Variants in PTPRT observed in about 807,000 individuals in gnomAD.
PTPRT encodes receptor-type tyrosine-protein phosphatase T.
A neutral mutation model predicts 176.8 loss-of-function variants in PTPRT; 56 were observed. The ratio of observed to expected loss-of-function variants is 0.32; its 90% CI spans 0.26 to 0.40. The LOEUF is 0.40. Ranked by LOEUF, PTPRT falls within the 10% of genes least tolerant of loss-of-function variation. PTPRT has a pLI of 1.00. For synonymous variants in PTPRT, 783 were observed against 739.0 expected (o/e 1.06, Z -0.96); for missense variants, 1,540 against 1,908.2 (o/e 0.81, Z 3.60).
At chr20:42,331,529 G>T (rs112109675) in intron 11 of PTPRT, among the ~76,000 whole-genome samples, 2 of 151,986 alleles carry the variant, frequency 1.3e-5, no homozygotes, top group African/African-American at 2.4e-5. Flanking sequence ...TAAATTAATC[G>T]TAATAGCAGG....
chr20:42,415,259 G>C (rs1428847383), intron 9 of PTPRT, among the ~76,000 whole-genome samples: 1 of 152,198 alleles, frequency 6.6e-6, no homozygotes, highest in Admixed American at 6.5e-5. Context: ...ATGGCTCACT[G>C]TAACCTTGAG....
chr20:42,860,146 T>C (rs2078636481), intron 2 of PTPRT, among the ~76,000 whole-genome samples: 1 of 152,186 alleles, frequency 6.6e-6, no homozygotes, highest in Admixed American at 6.5e-5. Context: ...TATCATTTCA[T>C]CTTGACCTGT....
chr20:42,959,114 A>G (rs1981840241), intron 1 of PTPRT, among the ~76,000 whole-genome samples: 1 of 152,164 alleles, frequency 6.6e-6, no homozygotes, highest in Admixed American at 6.5e-5. Context: ...AAGTAACCCA[A>G]AACTGGACTA....
chr20:42,098,060 G>A (rs1484366204), intron 27 of PTPRT, among the ~76,000 whole-genome samples: 2 of 152,214 alleles, frequency 1.3e-5, no homozygotes, highest in African/African-American at 4.8e-5. Flanking sequence ...GGGCATCTGG[G>A]TATTTTTCAG....
In PTPRT at chr20:42,698,852, C is replaced by CATGAATGAATGAATGAATGA. The variant is rs3092082; in HGVS notation, c.860-20713_860-20694dup. 1.6e-4 allele frequency among the ~76,000 whole-genome samples: 25 copies of CATGAATGAATGAATGAATGA among 151,540 alleles called. 1 individual carries two copies. Among genetic ancestry groups the CATGAATGAATGAATGAATGA allele is most frequent in the African/African-American group, 5.6e-4 (23 of 41,154 alleles). On this transcript the variant is annotated intron_variant, in intron 6 of 30. Coordinates refer to ENST00000373187, the MANE Select transcript of PTPRT (RefSeq NM_007050.6). ...CATCAGAGGCAACAATGAATGCATA[C>CATGAATGAATGAATGAATGA]ATGAATGAATGAATGAATGAATGAA...
At chr20:43,117,207 G>A (rs1163458826) in intron 1 of PTPRT, among the ~76,000 whole-genome samples, 2 of 152,144 alleles carry the variant, frequency 1.3e-5, no homozygotes, top group Non-Finnish European at 2.9e-5. Context: ...TCAATGGGTG[G>A]TAAAAACATG....
intron 7 of PTPRT, among the ~76,000 whole-genome samples, chr20:42,478,743 C>G (rs1357927571): frequency 6.6e-6 from 1 of 151,890 alleles, no homozygotes; most frequent in Non-Finnish European, 1.5e-5. Context: ...ATTTTTTTTC[C>G]TTAACCTGCT....
intron 13 of PTPRT, among the ~76,000 whole-genome samples, chr20:42,269,018 G>A (rs1372704794): frequency 1.3e-5 from 2 of 152,100 alleles, no homozygotes; most frequent in Non-Finnish European, 2.9e-5. Flanking sequence ...CCAACACCAT[G>A]GTACAAATAT....
chr20:42,909,316 C>T (rs1292145592), intron 1 of PTPRT, among the ~76,000 whole-genome samples: 1 of 152,114 alleles, frequency 6.6e-6, no homozygotes, highest in African/African-American at 2.4e-5. Flanking sequence ...TTCTAAAATG[C>T]CCTGCATACT....
intron 6 of PTPRT, among the ~76,000 whole-genome samples, chr20:42,743,489 G>C (rs915561110): frequency 6.6e-6 from 1 of 152,198 alleles, no homozygotes; most frequent in Admixed American, 6.5e-5. Flanking sequence ...TGCATCGTTT[G>C]TTTTTTATAC....
chr20:42,554,576 C>A (rs2145626506), intron 7 of PTPRT, among the ~76,000 whole-genome samples: 1 of 152,206 alleles, frequency 6.6e-6, no homozygotes, highest in Admixed American at 6.5e-5. Context: ...TATTTAAAAT[C>A]TTTCTCATGT....
chr20:42,871,788 A>G (rs1432890942), intron 2 of PTPRT, among the ~76,000 whole-genome samples: 1 of 152,182 alleles, frequency 6.6e-6, no homozygotes, highest in Non-Finnish European at 1.5e-5. Context: ...TGTATGTGAG[A>G]GCTTCAAAGG....
intron 8 of PTPRT, among the ~76,000 whole-genome samples, chr20:42,470,563 G>A (rs1193668714): frequency 6.6e-6 from 1 of 152,090 alleles, no homozygotes; most frequent in Non-Finnish European, 1.5e-5. Flanking sequence ...TGGGCTGGCT[G>A]GAGGGGAAAC....
chr20:42,815,871 C>A (rs2077775169), intron 2 of PTPRT, among the ~76,000 whole-genome samples: 1 of 152,116 alleles, frequency 6.6e-6, no homozygotes, highest in African/African-American at 2.4e-5. Context: ...TAAATTAGAC[C>A]CAGACATTTT....
intron 7 of PTPRT, among the ~76,000 whole-genome samples, chr20:42,605,203 G>A (rs1325573700): frequency 7.2e-5 from 11 of 152,202 alleles, no homozygotes; most frequent in East Asian, 5.8e-4. Flanking sequence ...GGTGGGTCAC[G>A]TGGTCAGAGC....
chr20:42,515,365 C>T (rs1310728055), intron 7 of PTPRT, among the ~76,000 whole-genome samples: 3 of 152,040 alleles, frequency 2.0e-5, no homozygotes, highest in Non-Finnish European at 4.4e-5. Flanking sequence ...TGCCCGTAAT[C>T]CCAGTTACTC....
chr20:42,521,789 T>C (rs537762747), intron 7 of PTPRT, among the ~76,000 whole-genome samples: 3 of 152,206 alleles, frequency 2.0e-5, no homozygotes, highest in Non-Finnish European at 4.4e-5. Flanking sequence ...ATAATAAATA[T>C]ATCACTTTAT....
intron 2 of PTPRT, among the ~76,000 whole-genome samples, chr20:42,825,163 T>C (rs138935865): frequency 1.8e-4 from 28 of 152,194 alleles, no homozygotes; most frequent in African/African-American, 6.7e-4. Flanking sequence ...ACGTATCACA[T>C]TATCAAGTTG....
At chr20:42,389,197 G>T (rs542004734) in intron 9 of PTPRT, among the ~76,000 whole-genome samples, 1 of 151,922 alleles carries the variant, frequency 6.6e-6, no homozygotes, top group Admixed American at 6.6e-5. Flanking sequence ...AATGGGTGCA[G>T]CACACCAACA....
Sources: gnomAD v4.1 joint callset for allele counts (sites outside exome capture counted in the v4.1 genomes callset) on GRCh38, gnomAD v4.1.1 for gene constraint, MANE v1.5 for transcripts, NCBI Gene and HGNC (gene_info 2026-07-23, HGNC 2026-07-21) for gene names.